The following LPP variants were observed in gnomAD, a reference collection of about 807,000 sequenced individuals.
The protein encoded by LPP is LIM domain containing preferred translocation partner in lipoma, also known as lipoma-preferred partner.
LPP carries 38 observed loss-of-function variants against 60.4 expected under a neutral mutation model. That is an observed-to-expected ratio of 0.63 (90% CI 0.49 to 0.83). The LOEUF (loss-of-function observed/expected upper bound fraction) is 0.83, where lower values mean the gene tolerates loss of function less well. Ranked by LOEUF, LPP falls within the 40% of genes least tolerant of loss-of-function variation. The probability of loss-of-function intolerance (pLI) is 0.00; values close to 1 mark genes in which losing one functional copy is unlikely to be tolerated. For missense variants in LPP, 902 were observed against 783.6 expected (o/e 1.15, Z -1.80); for synonymous variants, 328 against 290.8 (o/e 1.13, Z -1.30).
intron 4 of LPP, among the ~76,000 whole-genome samples, chr3:188,459,632 C>A (rs534187625): frequency 2.0e-5 from 3 of 152,248 alleles, no homozygotes; most frequent in South Asian, 2.1e-4. Context: ...CAAAATAATT[C>A]TCTATGTATG....
intron 1 of LPP, among the ~76,000 whole-genome samples, chr3:188,224,889 A>T (rs1175020553): frequency 6.6e-6 from 1 of 152,142 alleles, no homozygotes; most frequent in Non-Finnish European, 1.5e-5. Context: ...ATTACAACTC[A>T]ACATGAAATT....
chr3:188,240,993 T>G (rs1724430369), intron 2 of LPP, among the ~76,000 whole-genome samples: 1 of 152,226 alleles, frequency 6.6e-6, no homozygotes. Context: ...GTTAAGATGT[T>G]ACGGGGTATG....
intron 1 of LPP, among the ~76,000 whole-genome samples, chr3:188,165,182 G>T (rs1021456925): frequency 2.6e-5 from 4 of 151,966 alleles, no homozygotes; most frequent in Non-Finnish European, 5.9e-5. Context: ...AGGCTGAGGC[G>T]GGAGGATCCC....
chr3:188,346,059 G>A (rs563993048), intron 3 of LPP, among the ~76,000 whole-genome samples: 2 of 152,184 alleles, frequency 1.3e-5, no homozygotes, highest in South Asian at 2.1e-4. Flanking sequence ...GACCTGCAGC[G>A]AATGTGCAGC....
intron 2 of LPP, among the ~76,000 whole-genome samples, chr3:188,307,992 G>T (rs149939575): frequency 1.3e-5 from 2 of 152,206 alleles, no homozygotes; most frequent in East Asian, 3.9e-4. Flanking sequence ...TAACACATTC[G>T]TATTACCTCT....
At chr3:188,799,656 G>A (rs1451569631) in intron 9 of LPP, among the ~76,000 whole-genome samples, 1 of 152,150 alleles carries the variant, frequency 6.6e-6, no homozygotes, top group African/African-American at 2.4e-5. Flanking sequence ...CATAAAGTGT[G>A]CCTGTTACCT....
At chr3:188,768,368 A>G (rs1264980155) in intron 9 of LPP, among the ~76,000 whole-genome samples, 3 of 152,200 alleles carry the variant, frequency 2.0e-5, no homozygotes, top group Admixed American at 2.0e-4. Flanking sequence ...GTGATAATCT[A>G]ACTTTCATAA....
chr3:188,779,059 A>C (rs890428667), intron 9 of LPP, among the ~76,000 whole-genome samples: 1 of 152,140 alleles, frequency 6.6e-6, no homozygotes, highest in Non-Finnish European at 1.5e-5. Flanking sequence ...AAACTAGTCA[A>C]TGGGATCATT....
intron 7 of LPP, among the ~76,000 whole-genome samples, chr3:188,644,013 TA>T (rs1272834408): frequency 6.6e-6 from 1 of 152,202 alleles, no homozygotes; most frequent in Non-Finnish European, 1.5e-5. Flanking sequence ...TATTGAACTA[TA>T]AGGCAGTTTT....
At position 188,760,205 on chromosome 3, in the gene LPP, A is replaced by G. The variant is rs757715199; in HGVS notation, c.1333A>G (p.Ile445Val). Residue 445 changes from isoleucine (I) to valine (V), a missense_variant, in exon 9 of 12, where the codon ATC becomes GTC. By Grantham distance (29) the Ile-to-Val change is conservative (BLOSUM62 3). Transcript: ENST00000617246. The stretch of plus-strand genomic sequence containing the variant: ...CTTCCACGTGGATTGTTTTACCTGC[A>G]TCATCTGCAACAACAAGCTCCGAGG... The part of the protein sequence containing the change: ...QVFHVDCFTC[I>V]ICNNKLRGQP... The G allele has an allele frequency of 1.5e-5, 25 of 1,614,006 alleles. No homozygotes were observed. The East Asian group carries it at 5.3e-4, about 35-fold the overall frequency.
At chr3:188,599,641 G>A (rs77256116) in intron 6 of LPP, among the ~76,000 whole-genome samples, 339 of 152,112 alleles carry the variant, frequency 2.2e-3, no homozygotes, top group Non-Finnish European at 3.2e-3. Flanking sequence ...AGAATAACCC[G>A]TCACTAGCAG....
chr3:188,821,361 A>G (rs899294766), intron 9 of LPP, among the ~76,000 whole-genome samples: 30 of 148,724 alleles, frequency 2.0e-4, no homozygotes, highest in African/African-American at 7.2e-4. Flanking sequence ...TTGGTCACGG[A>G]CATCAGTATT....
chr3:188,813,899 G>A (rs1389116463), intron 9 of LPP, among the ~76,000 whole-genome samples: 2 of 152,058 alleles, frequency 1.3e-5, no homozygotes, highest in East Asian at 3.9e-4. Flanking sequence ...GTGAAACCCT[G>A]TCTCTACTAA....
chr3:188,222,372 G>T (rs977633588), intron 1 of LPP, among the ~76,000 whole-genome samples: 1 of 152,168 alleles, frequency 6.6e-6, no homozygotes, highest in Non-Finnish European at 1.5e-5. Flanking sequence ...AGCCTTGGAA[G>T]GGGTGAACGT....
chr3:188,614,312 T>C (rs1000904570), intron 7 of LPP, among the ~76,000 whole-genome samples: 6 of 152,150 alleles, frequency 3.9e-5, no homozygotes, highest in African/African-American at 7.2e-5. Context: ...GTTATCCGTA[T>C]GGTAATCCCT....
rs902884725 is a variant in LPP at position 188,572,770 on chromosome 3, G to A, written c.430-36391G>A. ...TAGTAACAAATACTTACCAAATCTC[G>A]GTACTGAAAACAAGGGTTTATTTCT... On this transcript the variant is annotated intron_variant, in intron 6 of 11. Coordinates refer to ENST00000617246, the MANE Select transcript of LPP (RefSeq NM_001375462.1). The surrounding 1 kb of genome is among the most constrained non-coding windows in gnomAD (Gnocchi z 4.1). Among the ~76,000 whole-genome samples the A allele has an allele frequency of 7.2e-5, 11 of 151,948 alleles. No homozygotes were observed. The highest frequency in any genetic ancestry group is 3.3e-4 in the Admixed American group (5 of 15,240).
intron 5 of LPP, among the ~76,000 whole-genome samples, chr3:188,506,581 G>T (rs553065037): frequency 6.8e-4 from 104 of 152,198 alleles, no homozygotes; most frequent in African/African-American, 2.5e-3. Flanking sequence ...TAACCCCTCT[G>T]CCCTTTCTTG....
At chr3:188,323,840 A>C (rs1578105968) in intron 2 of LPP, among the ~76,000 whole-genome samples, 1 of 152,204 alleles carries the variant, frequency 6.6e-6, no homozygotes, top group Non-Finnish European at 1.5e-5. Flanking sequence ...ATGGAAGTGG[A>C]GGTCATAGAT....
At position 188,889,415 on chromosome 3, in the gene LPP, G is replaced by A. The variant is rs1326247268; in HGVS notation, c.*14936G>A. 1 of 231,802 alleles carries A rather than the reference G, an allele frequency of 4.3e-6. No homozygotes were observed. The highest frequency in any genetic ancestry group is 6.1e-5 in the East Asian group (1 of 16,464). 14.4% of individuals were successfully genotyped at this position (231,802 alleles called of 1,614,324 possible). On this transcript the variant is annotated 3_prime_UTR_variant, in exon 12 of 12. Coordinates refer to ENST00000617246, the MANE Select transcript of LPP (RefSeq NM_001375462.1). ...TTCCAAAAAAGATCGTTCTCAATGT[G>A]TCGTCTGACTCAACCAGCTGGCAGA...
Sources: gnomAD v4.1 joint callset for allele counts (sites outside exome capture counted in the v4.1 genomes callset) on GRCh38, gnomAD v4.1.1 for gene constraint, Gnocchi (gnomAD v3.1) non-coding constraint, MANE v1.5 for transcripts, NCBI Gene and HGNC (gene_info 2026-07-23, HGNC 2026-07-21) for gene names.